The following GALNT13 variants were observed in gnomAD, a reference collection of about 807,000 sequenced individuals.
GALNT13 encodes UDP-GalNAc:polypeptide N-acetylgalactosaminyltransferase 13.
Under a neutral mutation model 64.2 loss-of-function variants are expected in GALNT13, and 28 were observed. That is an observed-to-expected ratio of 0.44 (90% CI 0.32 to 0.60). The LOEUF is 0.60. Among genes scored for constraint, GALNT13 ranks in the 20% least tolerant of loss-of-function variants. GALNT13 has a pLI of 0.05. For missense variants in GALNT13, 577 were observed against 669.8 expected (o/e 0.86, Z 1.53); for synonymous variants, 214 against 224.6 (o/e 0.95, Z 0.42).
the GALNT13 span, among the ~76,000 whole-genome samples, chr2:153,508,816 T>C: frequency 6.6e-6 from 1 of 152,176 alleles, no homozygotes; most frequent in Non-Finnish European, 1.5e-5. Context: ...CTGCTCTGTC[T>C]CCCAAGTGGG....
chr2:153,115,699 GA>G, the GALNT13 span, among the ~76,000 whole-genome samples: 1 of 152,036 alleles, frequency 6.6e-6, no homozygotes, highest in Non-Finnish European at 1.5e-5. Flanking sequence ...AGTAGGTACT[GA>G]AAAATAAAAT....
intron 8 of GALNT13, among the ~76,000 whole-genome samples, chr2:154,281,813 G>A (rs759087855): frequency 5.0e-4 from 76 of 150,674 alleles, no homozygotes; most frequent in Non-Finnish European, 9.9e-4. Flanking sequence ...CTCCCTTTCC[G>A]CACCCCCACT....
At chr2:153,082,606 TATATATATATATACACACACAC>T in the GALNT13 span, among the ~76,000 whole-genome samples, 17 of 44,788 alleles carry the variant, frequency 3.8e-4, no homozygotes, top group African/African-American at 1.3e-3. Context: ...TATATATATA[TATATATATATATACACACACAC>T]ACACACACAC....
intron 3 of GALNT13, among the ~76,000 whole-genome samples, chr2:154,014,842 A>G (rs2105259468): frequency 6.6e-6 from 1 of 151,876 alleles, no homozygotes; most frequent in Non-Finnish European, 1.5e-5. Context: ...TGTGTTAGCC[A>G]GGATGGTCTC....
At chr2:153,380,050 T>C in the GALNT13 span, among the ~76,000 whole-genome samples, 1 of 151,974 alleles carries the variant, frequency 6.6e-6, no homozygotes, top group African/African-American at 2.4e-5. Context: ...TAAGTGGAGG[T>C]GGAGCAGGAC....
Position 154,301,542 on chromosome 2 carries a change from A to G in GALNT13, c.1109A>G (p.Glu370Gly). 1 of 1,613,186 alleles carries G rather than the reference A, an allele frequency of 6.2e-7. No homozygotes were observed. Among genetic ancestry groups the G allele is most frequent in the Non-Finnish European group, 8.5e-7 (1 of 1,179,316 alleles). The part of the protein sequence containing the change: ...VINKNNRRLA[E>G]VWMDEFKDFF... ...AACAAGAACAACAGGAGACTGGCAG[A>G]AGTTTGGATGGATGAATTTAAAGAT... Residue 370 changes from glutamate (E) to glycine (G), a missense_variant, in exon 9 of 13, where the codon GAA (glutamate) becomes GGA (glycine). Glu to Gly is a moderately conservative substitution (Grantham distance 98, BLOSUM62 -2). Transcript: ENST00000392825.
intron 3 of GALNT13, among the ~76,000 whole-genome samples, chr2:154,044,685 A>G (rs1250505552): frequency 2.6e-5 from 4 of 152,212 alleles, no homozygotes; most frequent in Non-Finnish European, 5.9e-5. Flanking sequence ...GTAGGATTTA[A>G]TGATTTATTG....
chr2:154,034,183 G>C (rs1698517171), intron 3 of GALNT13, among the ~76,000 whole-genome samples: 1 of 152,048 alleles, frequency 6.6e-6, no homozygotes, highest in African/African-American at 2.4e-5. Flanking sequence ...TATTATAGCA[G>C]CTTTATTTAT....
At chr2:153,656,196 A>T in the GALNT13 span, among the ~76,000 whole-genome samples, 2 of 152,252 alleles carry the variant, frequency 1.3e-5, no homozygotes, top group African/African-American at 4.8e-5. Context: ...GTTCTGTCAG[A>T]TAATGAGGAA....
the GALNT13 span, among the ~76,000 whole-genome samples, chr2:153,635,356 C>A: frequency 1.4e-5 from 2 of 142,328 alleles, no homozygotes; most frequent in Non-Finnish European, 3.1e-5. Context: ...AAACTTTAAA[C>A]AGATTTTTTC....
the GALNT13 span, among the ~76,000 whole-genome samples, chr2:153,391,020 A>G: frequency 6.6e-6 from 1 of 152,000 alleles, no homozygotes; most frequent in Non-Finnish European, 1.5e-5. Flanking sequence ...TTTAATTGAG[A>G]GTGTGAGCAA....
the GALNT13 span, among the ~76,000 whole-genome samples, chr2:153,276,982 CTTGGA>C: frequency 1.3e-5 from 2 of 151,888 alleles, no homozygotes; most frequent in Non-Finnish European, 2.9e-5. Flanking sequence ...CATGAATGTT[CTTGGA>C]TTGTTTTTCT....
the GALNT13 span, among the ~76,000 whole-genome samples, chr2:153,299,043 A>T: frequency 6.6e-6 from 1 of 152,220 alleles, no homozygotes; most frequent in Admixed American, 6.5e-5. Flanking sequence ...TTTGAAGACA[A>T]ATGTATTCCC....
chr2:153,501,568 G>A, the GALNT13 span, among the ~76,000 whole-genome samples: 1 of 152,072 alleles, frequency 6.6e-6, no homozygotes, highest in African/African-American at 2.4e-5. Context: ...CTGACCTTAG[G>A]TGATCCACCT....
the GALNT13 span, among the ~76,000 whole-genome samples, chr2:153,633,708 A>G: frequency 4.6e-5 from 7 of 152,136 alleles, no homozygotes; most frequent in African/African-American, 1.7e-4. Context: ...TTCCAAGGAT[A>G]GTCTTCTTAG....
At chr2:154,386,440 G>A (rs912756441) in intron 9 of GALNT13, among the ~76,000 whole-genome samples, 3 of 152,000 alleles carry the variant, frequency 2.0e-5, no homozygotes, top group East Asian at 1.9e-4. Flanking sequence ...CTATCTGGGT[G>A]GCCTGATGGT....
chr2:154,210,143 A>G (rs981923215), intron 4 of GALNT13, among the ~76,000 whole-genome samples: 17 of 152,192 alleles, frequency 1.1e-4, no homozygotes, highest in Non-Finnish European at 2.1e-4. Flanking sequence ...CTCCAGATTC[A>G]TGTTGTCACA....
the GALNT13 span, among the ~76,000 whole-genome samples, chr2:153,855,747 A>T: frequency 6.6e-6 from 1 of 152,186 alleles, no homozygotes. Flanking sequence ...ATACACAAGA[A>T]AAATGAAGAC....
chr2:153,510,043 A>G, the GALNT13 span, among the ~76,000 whole-genome samples: 1 of 152,320 alleles, frequency 6.6e-6, no homozygotes, highest in Non-Finnish European at 1.5e-5. Flanking sequence ...GTCTTAAAGG[A>G]GCTGTGACCC....
Sources: allele counts gnomAD v4.1 joint callset (sites outside exome capture counted in the v4.1 genomes callset), GRCh38; gene constraint gnomAD v4.1.1; transcripts MANE v1.5; gene names NCBI Gene and HGNC (gene_info 2026-07-23, HGNC 2026-07-21).